The following TRAPPC9 variants were observed in gnomAD, a reference collection of about 807,000 sequenced individuals.
The protein encoded by TRAPPC9 is IKK2 binding protein.
Under a neutral mutation model 124.0 loss-of-function variants are expected in TRAPPC9, and 83 were observed. That is an observed-to-expected ratio of 0.67 (90% CI 0.56 to 0.80). The LOEUF is 0.80. TRAPPC9 is among the 30% of genes least tolerant of loss of function. The probability of loss-of-function intolerance (pLI) is 0.00; values close to 1 mark genes in which losing one functional copy is unlikely to be tolerated. For missense variants in TRAPPC9, 1,302 were observed against 1,508.3 expected, an observed-to-expected ratio of 0.86 and a Z score of 2.27; for synonymous variants, 638 against 617.5, an observed-to-expected ratio of 1.03 and a Z score of -0.49.
In TRAPPC9 at chr8:139,784,623, A is replaced by AAAAGAC. The variant is rs1454616072; in HGVS notation, c.3056-52422_3056-52421insGTCTTT. Among the ~76,000 whole-genome samples the AAAAGAC allele has an allele frequency of 3.6e-4, 50 of 139,770 alleles. 1 individual carries two copies. The highest frequency in any genetic ancestry group is 1.3e-3 in the African/African-American group (48 of 38,066). 91.7% of individuals were successfully genotyped at this position (139,770 alleles called of 152,430 possible). On this transcript the variant is annotated intron_variant, in intron 21 of 22. Coordinates refer to ENST00000438773, the MANE Select transcript of TRAPPC9 (RefSeq NM_001160372.4). ...AAAAGACTGACATATATATATATAT[A>AAAAGAC]TATATATATATATATATATATAAAT...
chr8:140,295,080 G>A (rs892182571), intron 11 of TRAPPC9, among the ~76,000 whole-genome samples: 17 of 152,136 alleles, frequency 1.1e-4, no homozygotes, highest in African/African-American at 3.9e-4. Flanking sequence ...CCCTGTTGCG[G>A]GACACACTGT....
chr8:140,300,630 G>A lies in TRAPPC9; in HGVS notation c.1623-16C>T. The A allele has an allele frequency of 2.5e-6, 4 of 1,614,142 alleles. No individual in the cohort carries two copies. Among genetic ancestry groups the A allele is most frequent in the Non-Finnish European group, 3.4e-6 (4 of 1,180,008 alleles). ...TTTCACATGCCTGTTGTTTCAAACA[G>A]AACACAAATACTTCAACTGTCTGGT... On this transcript the variant is annotated splice_polypyrimidine_tract_variant and intron_variant, in intron 10 of 22. Coordinates refer to ENST00000438773, the MANE Select transcript of TRAPPC9 (RefSeq NM_001160372.4).
intron 19 of TRAPPC9, among the ~76,000 whole-genome samples, chr8:139,918,506 G>C (rs912847622): frequency 2.8e-4 from 42 of 152,242 alleles, no homozygotes; most frequent in African/African-American, 1.0e-3. Context: ...AGTCACCAGA[G>C]CGTGAGCAAA....
intron 20 of TRAPPC9, among the ~76,000 whole-genome samples, chr8:139,906,895 C>G (rs1240541116): frequency 6.6e-6 from 1 of 152,216 alleles, no homozygotes; most frequent in Non-Finnish European, 1.5e-5. Context: ...TGGCCATGCT[C>G]ATACCCTGCC....
intron 5 of TRAPPC9, among the ~76,000 whole-genome samples, chr8:140,419,865 G>A (rs951014782): frequency 6.6e-6 from 1 of 151,884 alleles, no homozygotes; most frequent in African/African-American, 2.4e-5. Flanking sequence ...CAGATCGGGG[G>A]ACAGAGTGAG....
chr8:140,358,808 G>A (rs1313483746), intron 9 of TRAPPC9, among the ~76,000 whole-genome samples: 2 of 152,164 alleles, frequency 1.3e-5, no homozygotes, highest in Admixed American at 6.5e-5. Flanking sequence ...CCGTTCCCCA[G>A]GGGAGAGTGC....
chr8:140,208,385 C>T (rs1037776612), intron 17 of TRAPPC9, among the ~76,000 whole-genome samples: 1 of 152,146 alleles, frequency 6.6e-6, no homozygotes, highest in African/African-American at 2.4e-5. Context: ...AGGTGGTGGT[C>T]CTCAAACTGT....
intron 14 of TRAPPC9, among the ~76,000 whole-genome samples, chr8:140,278,842 G>A (rs1414249632): frequency 3.3e-5 from 5 of 152,230 alleles, no homozygotes; most frequent in African/African-American, 1.2e-4. Flanking sequence ...TCCTCTGCGC[G>A]TCTCCTCGGC....
chr8:139,917,073 C>T (rs79886358), intron 19 of TRAPPC9, among the ~76,000 whole-genome samples: 1,712 of 151,314 alleles, frequency 0.011, 28 homozygotes, highest in African/African-American at 0.04. Flanking sequence ...TGAACACGGA[C>T]GTATGGATCA....
intron 15 of TRAPPC9, chr8:140,262,670 G>A (rs1039992777): frequency 1.3e-4 from 19 of 151,862 alleles, no homozygotes; most frequent in African/African-American, 4.6e-4. Flanking sequence ...GTTCAATTCA[G>A]TGCACATGTC....
chr8:140,235,196 C>T (rs2063704097), intron 16 of TRAPPC9, among the ~76,000 whole-genome samples: 2 of 152,194 alleles, frequency 1.3e-5, no homozygotes, highest in African/African-American at 4.8e-5. Context: ...CGGTCTCTAA[C>T]TCCTGACCTC....
chr8:140,291,115 A>G, intron 11 of TRAPPC9, 37 bp from the exon 12 acceptor site: 1 of 1,576,392 alleles, frequency 6.3e-7, no homozygotes, highest in African/African-American at 1.3e-5. Flanking sequence ...TCCATGTATT[A>G]GTTGGTATTT....
intron 19 of TRAPPC9, among the ~76,000 whole-genome samples, chr8:139,927,977 G>C (rs1832908702): frequency 6.6e-6 from 1 of 152,182 alleles, no homozygotes; most frequent in Non-Finnish European, 1.5e-5. Context: ...AGAACTTTTG[G>C]GGGTGATAGC....
At chr8:140,164,993 T>C (rs1190537258) in intron 17 of TRAPPC9, among the ~76,000 whole-genome samples, 2 of 152,190 alleles carry the variant, frequency 1.3e-5, no homozygotes, top group Non-Finnish European at 2.9e-5. Context: ...AATAAGGTAA[T>C]GCCTTATGTG....
chr8:140,169,591 C>T (rs1030598109), intron 17 of TRAPPC9, among the ~76,000 whole-genome samples: 9 of 151,904 alleles, frequency 5.9e-5, no homozygotes, highest in African/African-American at 1.9e-4. Context: ...TGTCCAGCCA[C>T]GAGAAGGAAG....
intron 21 of TRAPPC9, among the ~76,000 whole-genome samples, chr8:139,736,696 G>A (rs1007004378): frequency 3.9e-5 from 6 of 152,218 alleles, no homozygotes; most frequent in African/African-American, 1.4e-4. Flanking sequence ...TGGCGGCGAT[G>A]CTCGCAGCTG....
rs911220465 is a variant in TRAPPC9 at position 140,311,367 on chromosome 8, T to C, written c.1503A>G (p.Lys501=). ...AGTTCTCTAGGCTTTGGGCCACATC[T>C]TTCTTTTCTGAAGAGAAGATGAAAA... ...MLDFLSDQEK[K]DVAQSLENYT... The change falls in exon 10 of 23, where the codon AAA becomes AAG. Residue 501 remains lysine (K), a synonymous_variant. Coordinates refer to ENST00000438773, the MANE Select transcript of TRAPPC9 (RefSeq NM_001160372.4). 21 of 1,613,750 alleles carry C rather than the reference T, an allele frequency of 1.3e-5. No individual in the cohort carries two copies. Among genetic ancestry groups the C allele is most frequent in the East Asian group, 2.2e-5 (1 of 44,892 alleles).
intron 15 of TRAPPC9, among the ~76,000 whole-genome samples, chr8:140,268,340 C>T (rs1375943803): frequency 2.0e-5 from 3 of 152,194 alleles, no homozygotes; most frequent in Non-Finnish European, 4.4e-5. Context: ...TCTGTTCATT[C>T]ATGCTGGCAG....
chr8:139,820,870 T>C (rs889001318), intron 21 of TRAPPC9, among the ~76,000 whole-genome samples: 1 of 152,248 alleles, frequency 6.6e-6, no homozygotes, highest in Non-Finnish European at 1.5e-5. Flanking sequence ...TTATTGTATA[T>C]GCACAAATGA....
Sources: allele counts gnomAD v4.1 joint callset (sites outside exome capture counted in the v4.1 genomes callset), GRCh38; gene constraint gnomAD v4.1.1; transcripts MANE v1.5; gene names NCBI Gene and HGNC (gene_info 2026-07-23, HGNC 2026-07-21).